The following CDH12 variants were observed in gnomAD, a reference collection of about 807,000 sequenced individuals.
CDH12 encodes the protein cadherin-12.
CDH12 carries 41 observed loss-of-function variants against 74.1 expected under a neutral mutation model. The ratio of observed to expected loss-of-function variants is 0.55; its 90% CI spans 0.43 to 0.72. The LOEUF (loss-of-function observed/expected upper bound fraction) is 0.72, where lower values mean the gene tolerates loss of function less well. Ranked by LOEUF, CDH12 falls within the 30% of genes least tolerant of loss-of-function variation. CDH12 has a pLI of 0.00. For missense variants in CDH12, 945 were observed against 977.2 expected (o/e 0.97, Z 0.44); for synonymous variants, 399 against 355.0 (o/e 1.12, Z -1.39).
At chr5:22,060,375 C>T (rs1397991154) in intron 5 of CDH12, among the ~76,000 whole-genome samples, 1 of 152,008 alleles carries the variant, frequency 6.6e-6, no homozygotes, top group East Asian at 1.9e-4. Context: ...GCATGCGGGA[C>T]TTAAAACCTA....
At chr5:22,670,794 AT>A in intron 1 of CDH12, among the ~76,000 whole-genome samples, 1 of 152,042 alleles carries the variant, frequency 6.6e-6, no homozygotes, top group Middle Eastern at 3.4e-3. Flanking sequence ...GGTTCCTCCC[AT>A]TTTTCATTTC....
chr5:22,331,683 CT>C (rs1739358585), intron 3 of CDH12, among the ~76,000 whole-genome samples: 1 of 152,166 alleles, frequency 6.6e-6, no homozygotes, highest in Admixed American at 6.5e-5. Context: ...AGACCAAATA[CT>C]GGAGAAACAG....
chr5:22,491,871 T>A (rs1389855876), intron 2 of CDH12, among the ~76,000 whole-genome samples: 1 of 152,200 alleles, frequency 6.6e-6, no homozygotes, highest in Admixed American at 6.5e-5. Context: ...CTTCTCTGGT[T>A]TGTAGATGAC....
At chr5:22,162,106 A>G in intron 4 of CDH12, among the ~76,000 whole-genome samples, 1 of 150,678 alleles carries the variant, frequency 6.6e-6, no homozygotes. Flanking sequence ...ATCCTACAGC[A>G]TACCCAAAGG....
At chr5:21,788,981 AC>A (rs1054136180) in intron 10 of CDH12, among the ~76,000 whole-genome samples, 1 of 151,612 alleles carries the variant, frequency 6.6e-6, no homozygotes, top group African/African-American at 2.4e-5. Context: ...CCTTTCTTTT[AC>A]AATAAGTGGA....
chr5:22,082,165 G>A (rs1463861813), intron 4 of CDH12, among the ~76,000 whole-genome samples: 2 of 151,938 alleles, frequency 1.3e-5, no homozygotes, highest in African/African-American at 4.8e-5. Context: ...AAACTAGAAG[G>A]GGTTTCTTTT....
chr5:22,370,525 G>A (rs769764903), intron 3 of CDH12, among the ~76,000 whole-genome samples: 4 of 152,054 alleles, frequency 2.6e-5, no homozygotes, highest in South Asian at 4.1e-4. Flanking sequence ...TTTTAGAAAC[G>A]TATTTTATAG....
intron 3 of CDH12, among the ~76,000 whole-genome samples, chr5:22,378,532 T>A (rs978198146): frequency 1.3e-5 from 2 of 152,040 alleles, no homozygotes; most frequent in Non-Finnish European, 2.9e-5. Flanking sequence ...CAGATGAATA[T>A]AAAAGAGTAT....
At chr5:22,651,458 G>A (rs139933378) in intron 1 of CDH12, among the ~76,000 whole-genome samples, 1 of 152,020 alleles carries the variant, frequency 6.6e-6, no homozygotes, top group South Asian at 2.1e-4. Context: ...TTCTTCACAA[G>A]GTGATAGAAA....
At chr5:21,808,928 G>A (rs376920894) in intron 9 of CDH12, among the ~76,000 whole-genome samples, 2 of 151,998 alleles carry the variant, frequency 1.3e-5, no homozygotes, top group African/African-American at 4.8e-5. Context: ...GTAGATTTTA[G>A]TTTGGACAAA....
intron 1 of CDH12, among the ~76,000 whole-genome samples, chr5:22,752,049 G>A (rs1413350315): frequency 6.6e-6 from 1 of 152,066 alleles, no homozygotes; most frequent in African/African-American, 2.4e-5. Flanking sequence ...GTGTGGAGAT[G>A]TTCTAGAGAA....
At chr5:22,687,859 T>C (rs976647014) in intron 1 of CDH12, among the ~76,000 whole-genome samples, 3 of 152,224 alleles carry the variant, frequency 2.0e-5, no homozygotes, top group Non-Finnish European at 2.9e-5. Context: ...TATTAACAAC[T>C]ATGTAATCAA....
chr5:22,248,939 T>C (rs945587789), intron 3 of CDH12, among the ~76,000 whole-genome samples: 3 of 152,094 alleles, frequency 2.0e-5, no homozygotes, highest in African/African-American at 7.2e-5. Flanking sequence ...TACTCGACAA[T>C]TTATACAATA....
chr5:21,780,709 G>T (rs1452714389), intron 11 of CDH12, among the ~76,000 whole-genome samples: 1 of 152,136 alleles, frequency 6.6e-6, no homozygotes, highest in East Asian at 1.9e-4. Context: ...CCCACCACTG[G>T]AGTGAAAGTA....
chr5:22,787,057 C>T (rs1461259370), intron 1 of CDH12, among the ~76,000 whole-genome samples: 1 of 151,860 alleles, frequency 6.6e-6, no homozygotes, highest in African/African-American at 2.4e-5. Flanking sequence ...CTAAGCTATA[C>T]TCAATTCTTT....
chr5:22,442,880 G>A (rs1332385368), intron 2 of CDH12, among the ~76,000 whole-genome samples: 1 of 152,118 alleles, frequency 6.6e-6, no homozygotes, highest in Admixed American at 6.6e-5. Flanking sequence ...TGAATAATCA[G>A]TCTAATCATT....
At chr5:22,524,436 A>AT (rs2126691140) in intron 1 of CDH12, among the ~76,000 whole-genome samples, 1 of 152,288 alleles carries the variant, frequency 6.6e-6, no homozygotes, top group African/African-American at 2.4e-5. Flanking sequence ...TCTTATGGCA[A>AT]TTATGTGTCT....
At chr5:22,195,285 C>G (rs1750556700) in intron 4 of CDH12, among the ~76,000 whole-genome samples, 1 of 152,108 alleles carries the variant, frequency 6.6e-6, no homozygotes, top group South Asian at 2.1e-4. Context: ...AGGTGCTTCA[C>G]TAAGCACATT....
intron 3 of CDH12, among the ~76,000 whole-genome samples, chr5:22,283,231 T>TATATAGATATAG (rs1736980822): frequency 4.2e-5 from 1 of 24,022 alleles, no homozygotes; most frequent in African/African-American, 1.2e-4. Context: ...TATATATATA[T>TATATAGATATAG]ATATATATAT....
Sources: gnomAD v4.1 joint callset for allele counts (sites outside exome capture counted in the v4.1 genomes callset) on GRCh38, gnomAD v4.1.1 for gene constraint, MANE v1.5 for transcripts, NCBI Gene and HGNC (gene_info 2026-07-23, HGNC 2026-07-21) for gene names.